SYN3: variants seen among roughly 807,000 people sequenced by gnomAD.
SYN3 encodes the protein synapsin-3.
Under a neutral mutation model 65.8 loss-of-function variants are expected in SYN3, and 35 were observed. That is an observed-to-expected ratio of 0.53 (90% CI 0.41 to 0.70). SYN3 has a LOEUF of 0.70. Ranked by LOEUF, SYN3 falls within the 30% of genes least tolerant of loss-of-function variation. The pLI, the probability that SYN3 is intolerant of heterozygous loss-of-function variation, is 0.00. For missense variants in SYN3, 680 were observed against 749.0 expected (o/e 0.91, Z 1.08); for synonymous variants, 270 against 292.9 (o/e 0.92, Z 0.80).
At chr22:33,042,599 T>C (rs779169801) in intron 1 of SYN3, among the ~76,000 whole-genome samples, 3 of 152,144 alleles carry the variant, frequency 2.0e-5, no homozygotes, top group South Asian at 2.1e-4. Context: ...CAGTCTCACA[T>C]AGAACAACCA....
intron 7 of SYN3, among the ~76,000 whole-genome samples, chr22:32,572,852 T>C (rs1357862064): frequency 6.6e-6 from 1 of 152,174 alleles, no homozygotes; most frequent in Non-Finnish European, 1.5e-5. Context: ...CCTCCTTGGC[T>C]CCAGCCAAAG....
At chr22:32,569,483 A>AATCTATCTGTATCTAAAATGTATC (rs1436630189) in intron 7 of SYN3, among the ~76,000 whole-genome samples, 2 of 150,822 alleles carry the variant, frequency 1.3e-5, no homozygotes, top group African/African-American at 4.9e-5. Flanking sequence ...ATTGATCTAA[A>AATCTATCTGTATCTAAAATGTATC]ATCTATCTGT....
At position 33,052,583 on chromosome 22, in the gene SYN3, CA is replaced by C. The variant is rs58956477; in HGVS notation, c.-163+5708del. Among the ~76,000 whole-genome samples, 1,053 of 107,632 alleles carry C rather than the reference CA, an allele frequency of 9.8e-3. 3 individuals carry two copies. The highest frequency in any genetic ancestry group is 0.013 in the African/African-American group (444 of 33,286). 70.6% of individuals were successfully genotyped at this position (107,632 alleles called of 152,430 possible). ...ATACTCACACCTAGCAGAAGAGGAA[CA>C]AAAAAAAAAAAAAGAGAGAGAGAGA... On this transcript the variant is annotated intron_variant, in intron 1 of 13. Transcript: ENST00000358763.
chr22:32,715,276 G>A (rs1187113551), intron 6 of SYN3, among the ~76,000 whole-genome samples: 1 of 152,120 alleles, frequency 6.6e-6, no homozygotes, highest in East Asian at 1.9e-4. Context: ...GTAATTGTTG[G>A]CATTTTCTAG....
chr22:32,823,245 T>C (rs1176666792), intron 6 of SYN3, among the ~76,000 whole-genome samples: 3 of 152,152 alleles, frequency 2.0e-5, no homozygotes, highest in Admixed American at 2.0e-4. Flanking sequence ...GACTTGTAAG[T>C]CCCGTGGTCA....
chr22:32,814,535 G>C (rs1481918120), intron 6 of SYN3, among the ~76,000 whole-genome samples: 1 of 152,134 alleles, frequency 6.6e-6, no homozygotes, highest in East Asian at 1.9e-4. Context: ...GACCAGAGTG[G>C]AGATTTAGAA....
chr22:32,865,071 A>G (rs2048655196), intron 5 of SYN3, 67 bp from the exon 6 acceptor site: 1 of 1,281,598 alleles, frequency 7.8e-7, no homozygotes, highest in African/African-American at 1.5e-5. Flanking sequence ...CTCCCACTTG[A>G]TCTGAGGCCT....
chr22:32,542,102 T>C (rs739007), intron 7 of SYN3, among the ~76,000 whole-genome samples: 63,409 of 152,050 alleles, frequency 0.42, 13,429 homozygotes, highest in Middle Eastern at 0.49. Context: ...GGGAACAGAC[T>C]GTGGAGGGCC....
chr22:32,758,705 T>TATATATATA (rs1277216646), intron 6 of SYN3, among the ~76,000 whole-genome samples: 142 of 109,526 alleles, frequency 1.3e-3, no homozygotes, highest in Non-Finnish European at 2.0e-3. Context: ...TATATATGTC[T>TATATATATA]TATTAGTTCT....
At chr22:32,702,336 G>C (rs2060820819) in intron 6 of SYN3, among the ~76,000 whole-genome samples, 1 of 151,920 alleles carries the variant, frequency 6.6e-6, no homozygotes, top group South Asian at 2.1e-4. Flanking sequence ...AAATTAGCCG[G>C]GCGTGGTGGC....
At chr22:32,624,597 A>C (rs1024485775) in intron 6 of SYN3, among the ~76,000 whole-genome samples, 2 of 152,176 alleles carry the variant, frequency 1.3e-5, no homozygotes, top group African/African-American at 2.4e-5. Context: ...CCTGCACCAC[A>C]CCCATGGATA....
chr22:32,554,746 GT>G (rs2058467690), intron 7 of SYN3, among the ~76,000 whole-genome samples: 1 of 152,148 alleles, frequency 6.6e-6, no homozygotes, highest in Admixed American at 6.6e-5. Context: ...CCCTTGTCCG[GT>G]GTGCTCTCGC....
rs5845054 is a variant in SYN3 at position 32,956,041 on chromosome 22, C to CATATATATATATATATATATATATAT, written c.370-24561_370-24560insATATATATATATATATATATATATAT. Among the ~76,000 whole-genome samples the CATATATATATATATATATATATATAT allele has an allele frequency of 4.4e-3, 572 of 130,412 alleles. 15 individuals are homozygous for CATATATATATATATATATATATATAT. Among genetic ancestry groups the CATATATATATATATATATATATATAT allele is most frequent in the African/African-American group, 0.012 (355 of 30,002 alleles). The allele number at this position is 130,412 out of a possible 152,430, so 85.6% of individuals were successfully genotyped here. A position where few individuals can be genotyped will look rare whatever the true frequency, so the allele number is the denominator to read the frequency against. On this transcript the variant is annotated intron_variant, in intron 3 of 13. Transcript: ENST00000358763. The stretch of plus-strand genomic sequence containing the variant: ...GAGTTAATACTACTTAATAAATTCA[C>CATATATATATATATATATATATATAT]ATATATATATATATATATATAAAAT...
intron 6 of SYN3, among the ~76,000 whole-genome samples, chr22:32,629,389 G>T (rs1310557704): frequency 1.3e-5 from 2 of 152,224 alleles, no homozygotes; most frequent in South Asian, 4.1e-4. Context: ...GTAATGCAAA[G>T]AATCATTTGC....
intron 3 of SYN3, among the ~76,000 whole-genome samples, chr22:32,977,314 G>A (rs1340877622): frequency 1.3e-5 from 2 of 152,124 alleles, no homozygotes; most frequent in Non-Finnish European, 2.9e-5. Context: ...CTGACAAGTT[G>A]GGCCAATGGC....
intron 6 of SYN3, among the ~76,000 whole-genome samples, chr22:32,780,259 C>T (rs368654286): frequency 4.6e-5 from 7 of 152,120 alleles, no homozygotes; most frequent in African/African-American, 1.4e-4. Flanking sequence ...TGGAATTTCA[C>T]GGGCTGAAGC....
intron 6 of SYN3, among the ~76,000 whole-genome samples, chr22:32,845,958 G>A (rs1040151976): frequency 1.3e-5 from 2 of 152,188 alleles, no homozygotes; most frequent in African/African-American, 4.8e-5. Flanking sequence ...GAGCAAATAC[G>A]GACAGATTAA....
In SYN3 at chr22:32,512,546, C is replaced by A. The variant is rs1338740855; in HGVS notation, c.*1146G>T. On this transcript the variant is annotated 3_prime_UTR_variant, in exon 14 of 14. Transcript: ENST00000358763. Reference sequence around the variant, plus strand: ...CTGCAACTAACTTATTGAGTCAAATCATCAGTTTGGATTTAACAAAGCTGA... The same window carrying A: ...CTGCAACTAACTTATTGAGTCAAATAATCAGTTTGGATTTAACAAAGCTGA... The A allele has an allele frequency of 6.6e-6, 1 of 152,204 alleles. No individual in the cohort carries two copies. The highest frequency in any genetic ancestry group is 1.5e-5 in the Non-Finnish European group (1 of 68,038). 9.4% of individuals were successfully genotyped at this position (152,204 alleles called of 1,614,324 possible).
rs115629724 is a variant in SYN3, at chr22:32,555,939, A to G, written c.775-14226T>C. Among the ~76,000 whole-genome samples, 1,282 of 152,264 alleles carry G rather than the reference A, an allele frequency of 8.4e-3. 20 individuals are homozygous for G. The highest frequency in any genetic ancestry group is 0.03 in the African/African-American group (1,250 of 41,540). Reference sequence around the variant, plus strand: ...AGACTCTCAAGACAGGATTAAGTACAAGTTCTGTGTGACGAATATTAATAC... The same window carrying G: ...AGACTCTCAAGACAGGATTAAGTACGAGTTCTGTGTGACGAATATTAATAC... On this transcript the variant is annotated intron_variant, in intron 7 of 13. Coordinates refer to ENST00000358763, the MANE Select transcript of SYN3 (RefSeq NM_003490.4).
Sources: allele counts gnomAD v4.1 joint callset (sites outside exome capture counted in the v4.1 genomes callset), GRCh38; gene constraint gnomAD v4.1.1; transcripts MANE v1.5; gene names NCBI Gene and HGNC (gene_info 2026-07-23, HGNC 2026-07-21).